FIG4: variants seen among roughly 807,000 people sequenced by gnomAD.
FIG4 encodes the protein polyphosphoinositide phosphatase.
FIG4 carries 112 observed loss-of-function variants against 118.6 expected under a neutral mutation model. The ratio of observed to expected loss-of-function variants is 0.94; its 90% CI spans 0.81 to 1.11. The LOEUF is 1.11. FIG4 is among the 50% of genes least tolerant of loss of function. The pLI is 0.00. For synonymous variants in FIG4, 369 were observed against 381.2 expected (o/e 0.97, Z 0.37); for missense variants, 969 against 1,111.7 (o/e 0.87, Z 1.83).
chr6:109,822,933 C>G (rs943747851), intron 22 of FIG4, among the ~76,000 whole-genome samples: 1 of 144,538 alleles, frequency 6.9e-6, no homozygotes, highest in Non-Finnish European at 1.5e-5. Context: ...TACACCATAT[C>G]TCATCTACAC....
At chr6:109,752,342 G>A (rs950218762) in intron 10 of FIG4, among the ~76,000 whole-genome samples, 2 of 151,036 alleles carry the variant, frequency 1.3e-5, no homozygotes, top group African/African-American at 4.9e-5. Flanking sequence ...GTAGTCCTTT[G>A]GGTATATACC....
At chr6:109,812,221 G>A (rs1778738036) in intron 22 of FIG4, among the ~76,000 whole-genome samples, 1 of 152,106 alleles carries the variant, frequency 6.6e-6, no homozygotes, top group Admixed American at 6.5e-5. Flanking sequence ...TGTGAGTCAA[G>A]CAAACCCCTT....
chr6:109,773,413 A>T lies in FIG4; in HGVS notation c.1751-3509A>T, dbSNP rs141275212. ...CACAAACTTACCATTTCTGAGACAGAAACTCTTGACTCTGTCTCAAGTCCG... is the reference window on the plus strand; with the variant it reads ...CACAAACTTACCATTTCTGAGACAGTAACTCTTGACTCTGTCTCAAGTCCG... On this transcript the variant is annotated intron_variant, in intron 15 of 22. Transcript: ENST00000230124. Among the ~76,000 whole-genome samples, 6 of 152,290 alleles carry T rather than the reference A, an allele frequency of 3.9e-5. No homozygotes were observed. In the East Asian group the frequency reaches 1.2e-3, roughly 29 times the overall value.
chr6:109,725,335 T>C (rs923878260), intron 3 of FIG4, among the ~76,000 whole-genome samples: 1 of 152,268 alleles, frequency 6.6e-6, no homozygotes, highest in East Asian at 1.9e-4. Context: ...CTCCCACTTA[T>C]GAGTGAGAAC....
intron 6 of FIG4, among the ~76,000 whole-genome samples, chr6:109,737,790 T>C (rs764725314): frequency 6.6e-6 from 1 of 152,184 alleles, no homozygotes; most frequent in Non-Finnish European, 1.5e-5. Flanking sequence ...GTATTTGTAA[T>C]ACACTAGGCT....
At chr6:109,704,935 G>A (rs1056507582) in intron 1 of FIG4, among the ~76,000 whole-genome samples, 3 of 152,048 alleles carry the variant, frequency 2.0e-5, no homozygotes, top group African/African-American at 7.2e-5. Context: ...TATGTGTTAC[G>A]ATACCTGCAA....
chr6:109,792,948 C>T (rs1414576311), intron 21 of FIG4, among the ~76,000 whole-genome samples: 1 of 152,058 alleles, frequency 6.6e-6, no homozygotes, highest in Non-Finnish European at 1.5e-5. Flanking sequence ...ACCTCAGCCT[C>T]CCAAAGTGCT....
At chr6:109,817,804 G>T (rs1388567914) in intron 22 of FIG4, among the ~76,000 whole-genome samples, 1 of 152,030 alleles carries the variant, frequency 6.6e-6, no homozygotes, top group East Asian at 1.9e-4. Context: ...GCTTGCTCCT[G>T]GTTAAAATAA....
intron 10 of FIG4, among the ~76,000 whole-genome samples, chr6:109,757,317 C>T (rs941464894): frequency 3.9e-5 from 6 of 152,208 alleles, no homozygotes; most frequent in Admixed American, 1.3e-4. Context: ...TCAACATATG[C>T]GAATCAATAA....
At chr6:109,774,096 G>A (rs538210771) in intron 15 of FIG4, among the ~76,000 whole-genome samples, 3 of 152,266 alleles carry the variant, frequency 2.0e-5, no homozygotes, top group East Asian at 1.9e-4. Flanking sequence ...ACAGGCATGA[G>A]CCTCCATGCC....
intron 8 of FIG4, 28 bp from the exon 9 acceptor site, chr6:109,743,082 A>G (rs749103560): frequency 1.3e-6 from 2 of 1,592,866 alleles, no homozygotes; most frequent in Admixed American, 3.3e-5. Context: ...ATAACATAAA[A>G]TATTTTTCAA....
chr6:109,748,920 G>A lies in FIG4; in HGVS notation c.1137+5148G>A, dbSNP rs546535944. On this transcript the variant is annotated intron_variant, in intron 10 of 22. Transcript: ENST00000230124. Reference sequence around the variant, plus strand: ...TCCACAACACGTGGGAATTATGGGCGCTACAATTCAAGATGAGATTTGAGT... The same window carrying A: ...TCCACAACACGTGGGAATTATGGGCACTACAATTCAAGATGAGATTTGAGT... Among the ~76,000 whole-genome samples, 79 of 152,182 alleles carry A rather than the reference G, an allele frequency of 5.2e-4. 1 individual carries two copies. The South Asian group carries it at 7.3e-3, about 14-fold the overall frequency.
Position 109,765,057 on chromosome 6 carries a change from C to G in FIG4, c.1479C>G (p.Thr493=), listed in dbSNP as rs144072304. ...RTNCVDCLDR[T]NTAQFMVGKC... ...ACTGTGTGGACTGTTTAGATCGCACCAACACAGCACAGTTTATGGTGGGAA... is the reference window on the plus strand; with the variant it reads ...ACTGTGTGGACTGTTTAGATCGCACGAACACAGCACAGTTTATGGTGGGAA... The change falls in exon 14 of 23, where the codon ACC becomes ACG. Residue 493 remains threonine (T), a synonymous_variant. Transcript: ENST00000230124. 50 of 1,613,742 alleles carry G rather than the reference C, an allele frequency of 3.1e-5. No homozygotes were observed. In the African/African-American group the frequency reaches 6.3e-4, roughly 20 times the overall value.
At position 109,760,281 on chromosome 6, in the gene FIG4, T is replaced by A; in HGVS notation, c.1169T>A (p.Leu390Gln). Residue 390 changes from leucine to glutamine, a missense_variant, in exon 11 of 23, where the codon CTG becomes CAG. Leu to Gln is a moderately radical substitution (Grantham distance 113). Transcript: ENST00000230124. ...GAGAAAAGAAAGCATGAAAGAATTC[T>A]GAGTGAAGAACTTGTTGCTGCTGTG... The part of the protein sequence containing the change: ...EREKRKHERI[L>Q]SEELVAAVTY... 1 of 1,613,840 alleles carries A rather than the reference T, an allele frequency of 6.2e-7. No homozygotes were observed. The highest frequency in any genetic ancestry group is 1.3e-5 in the African/African-American group (1 of 75,056).
At chr6:109,774,592 C>T (rs1777564371) in intron 15 of FIG4, among the ~76,000 whole-genome samples, 1 of 152,040 alleles carries the variant, frequency 6.6e-6, no homozygotes, top group Admixed American at 6.6e-5. Flanking sequence ...TAATGTTCCC[C>T]TTGGCAGAGT....
At chr6:109,755,876 T>C (rs1048523468) in intron 10 of FIG4, among the ~76,000 whole-genome samples, 30 of 152,246 alleles carry the variant, frequency 2.0e-4, no homozygotes, top group African/African-American at 7.0e-4. Flanking sequence ...CTGATGGGTC[T>C]TTACTCTTTA....
In FIG4 at chr6:109,755,268, G is replaced by C. The variant is rs546269371; in HGVS notation, c.1138-4982G>C. On this transcript the variant is annotated intron_variant, in intron 10 of 22. Coordinates refer to ENST00000230124, the MANE Select transcript of FIG4 (RefSeq NM_014845.6). ...GGTTTTGAGTGAGTTTCTTAATCCT[G>C]AATTCTAGTTTGATTGCACTGTGGT... Among the ~76,000 whole-genome samples, 7 of 152,256 alleles carry C rather than the reference G, an allele frequency of 4.6e-5. No individual in the cohort carries two copies. In the South Asian group the frequency reaches 1.5e-3, roughly 32 times the overall value.
Position 109,796,776 on chromosome 6 carries a change from T to G in FIG4, c.2471T>G (p.Leu824Arg), listed in dbSNP as rs1562689878. The G allele has an allele frequency of 6.2e-7, 1 of 1,608,148 alleles. No homozygotes were observed. Among genetic ancestry groups the G allele is most frequent in the Admixed American group, 1.7e-5 (1 of 60,016 alleles). The change falls in exon 22 of 23, where the codon CTG becomes CGG. Residue 824 changes from leucine to arginine, a missense_variant. By Grantham distance (102) the Leu-to-Arg change is moderately radical. This residue lies in a region of FIG4 where 330 missense variants were observed against 348.1 expected (regional missense o/e 0.95). Coordinates refer to ENST00000230124, the MANE Select transcript of FIG4 (RefSeq NM_014845.6). ...ATTGTAATTTGTAGATTTGTTCAGCTGGGGCAGAGTCAACATAAACAAGAC... is the reference window on the plus strand; with the variant it reads ...ATTGTAATTTGTAGATTTGTTCAGCGGGGGCAGAGTCAACATAAACAAGAC... ...DFSIYSRFVQ[L>R]GQSQHKQDKN...
chr6:109,697,301 A>G (rs2128377569), intron 1 of FIG4, among the ~76,000 whole-genome samples: 1 of 151,668 alleles, frequency 6.6e-6, no homozygotes, highest in South Asian at 2.1e-4. Flanking sequence ...ATGATTCAGT[A>G]GATCAGGATT....
Sources: allele counts gnomAD v4.1 joint callset (sites outside exome capture counted in the v4.1 genomes callset), GRCh38; gene constraint gnomAD v4.1.1; regional missense constraint gnomAD v4.1.1; transcripts MANE v1.5; gene names NCBI Gene and HGNC (gene_info 2026-07-23, HGNC 2026-07-21).